GLT1D1: variants seen among roughly 807,000 people sequenced by gnomAD.
GLT1D1 encodes the protein glycosyltransferase 1 domain containing 1.
In GLT1D1, 21 loss-of-function variants were observed where a neutral mutation model predicts 28.7. The observed-to-expected ratio is 0.73, with a 90% CI of 0.52 to 1.05. The LOEUF (loss-of-function observed/expected upper bound fraction) is 1.05, where lower values mean the gene tolerates loss of function less well. Ranked by LOEUF, GLT1D1 falls within the 50% of genes least tolerant of loss-of-function variation. The probability of loss-of-function intolerance (pLI) is 0.00; values close to 1 mark genes in which losing one functional copy is unlikely to be tolerated. For missense variants in GLT1D1, 343 were observed against 330.6 expected (o/e 1.04, Z -0.29); for synonymous variants, 147 against 124.8 (o/e 1.18, Z -1.19).
intron 6 of GLT1D1, among the ~76,000 whole-genome samples, chr12:128,951,311 G>A (rs138906266): frequency 6.6e-6 from 1 of 152,186 alleles, no homozygotes; most frequent in African/African-American, 2.4e-5. Flanking sequence ...GCAGAGGCAG[G>A]AGAATTGCTG....
At chr12:128,915,860 T>A (rs879468498) in intron 4 of GLT1D1, among the ~76,000 whole-genome samples, 7 of 152,222 alleles carry the variant, frequency 4.6e-5, no homozygotes, top group African/African-American at 9.7e-5. Flanking sequence ...ATCCTTTTTT[T>A]AAAATAATTC....
At chr12:128,956,831 G>T (rs1056868528) in intron 6 of GLT1D1, among the ~76,000 whole-genome samples, 1 of 152,110 alleles carries the variant, frequency 6.6e-6, no homozygotes, top group Admixed American at 6.5e-5. Context: ...TTGCAAAATT[G>T]TCCCGCTGTG....
intron 6 of GLT1D1, among the ~76,000 whole-genome samples, chr12:128,953,141 C>T (rs922997458): frequency 6.6e-6 from 1 of 152,108 alleles, no homozygotes; most frequent in Middle Eastern, 3.2e-3. Flanking sequence ...GAAGAACTAT[C>T]TAGTCAAACC....
chr12:128,982,440 G>GC (rs1880407396), intron 7 of GLT1D1, among the ~76,000 whole-genome samples: 1 of 152,162 alleles, frequency 6.6e-6, no homozygotes, highest in African/African-American at 2.4e-5. Flanking sequence ...GACAGGCTTG[G>GC]CTCTGCACCC....
intron 1 of GLT1D1, chr12:128,864,272 T>C: frequency 1.9e-6 from 1 of 525,912 alleles, no homozygotes; most frequent in South Asian, 2.5e-5. Flanking sequence ...GGATGAAGTT[T>C]GCTTAGTCCT....
chr12:128,857,824 G>A (rs762941745), intron 1 of GLT1D1, among the ~76,000 whole-genome samples: 4 of 152,218 alleles, frequency 2.6e-5, no homozygotes, highest in Non-Finnish European at 5.9e-5. Flanking sequence ...GTTGGTCATT[G>A]TAAAGCAACA....
At chr12:128,934,706 G>T (rs1874361235) in intron 4 of GLT1D1, among the ~76,000 whole-genome samples, 1 of 152,212 alleles carries the variant, frequency 6.6e-6, no homozygotes, top group Non-Finnish European at 1.5e-5. Flanking sequence ...CTCACTAAGA[G>T]AATTCCTGGG....
chr12:128,946,375 T>C (rs909537843), intron 5 of GLT1D1, among the ~76,000 whole-genome samples: 1 of 152,120 alleles, frequency 6.6e-6, no homozygotes, highest in African/African-American at 2.4e-5. Flanking sequence ...GAGACAGAGT[T>C]TCGCTCTGTC....
intron 6 of GLT1D1, among the ~76,000 whole-genome samples, chr12:128,952,802 G>A (rs372052390): frequency 0.019 from 541 of 28,476 alleles, 5 homozygotes; most frequent in African/African-American, 0.085. Context: ...TTTTTTTGAC[G>A]TACTCTTGCT....
At chr12:128,965,898 TAAAG>T (rs748658277) in intron 7 of GLT1D1, among the ~76,000 whole-genome samples, 1 of 151,662 alleles carries the variant, frequency 6.6e-6, no homozygotes, top group Non-Finnish European at 1.5e-5. Context: ...GTCTCAAAAA[TAAAG>T]AAAAAGAGAA....
At chr12:128,915,951 C>A (rs1452083065) in intron 4 of GLT1D1, among the ~76,000 whole-genome samples, 2 of 152,158 alleles carry the variant, frequency 1.3e-5, no homozygotes, top group Non-Finnish European at 2.9e-5. Flanking sequence ...ACCCATGTGA[C>A]AAATACCCCA....
intron 6 of GLT1D1, 120 bp downstream of exon 10, chr12:128,947,578 C>A: frequency 1.8e-6 from 2 of 1,099,648 alleles, no homozygotes; most frequent in Non-Finnish European, 2.7e-6. Flanking sequence ...CTAAAAAGGC[C>A]AAGCAGCATA....
At chr12:128,903,694 C>T (rs74386038) in intron 4 of GLT1D1, among the ~76,000 whole-genome samples, 19,107 of 151,472 alleles carry the variant, frequency 0.13, 1,519 homozygotes, top group South Asian at 0.26. Context: ...TGATTAGGAA[C>T]GACTCCTCCT....
At chr12:128,877,689 G>C (rs2135801029) in intron 2 of GLT1D1, among the ~76,000 whole-genome samples, 1 of 152,252 alleles carries the variant, frequency 6.6e-6, no homozygotes, top group Non-Finnish European at 1.5e-5. Context: ...TTTTCTTGTG[G>C]ATATTCTCCT....
intron 6 of GLT1D1, among the ~76,000 whole-genome samples, chr12:128,948,882 G>T (rs907756483): frequency 1.3e-5 from 2 of 152,068 alleles, no homozygotes; most frequent in African/African-American, 2.4e-5. Context: ...AGACCCCAAA[G>T]AAAAAAACAC....
chr12:128,920,179 T>C (rs1270617356), intron 4 of GLT1D1, among the ~76,000 whole-genome samples: 2 of 152,220 alleles, frequency 1.3e-5, no homozygotes, highest in Non-Finnish European at 1.5e-5. Context: ...CCAAATCAGC[T>C]TTTTCAGCTA....
chr12:128,874,122 CTCTCTTTCTTTCTTTCTT>C (rs1214327610), intron 1 of GLT1D1, among the ~76,000 whole-genome samples: 31 of 58,912 alleles, frequency 5.3e-4, no homozygotes, highest in Middle Eastern at 0.012. Context: ...CTCTCTCTCT[CTCTCTTTCTTTCTTTCTT>C]TCTTTCTTTC....
chr12:128,876,205 T>C lies in GLT1D1; in HGVS notation c.217+143T>C, dbSNP rs1435779040. On this transcript the variant is annotated intron_variant, in intron 2 of 7. Transcript: ENST00000281703. ...CATGCAATAATCTCTTTGGTTTGCTTTCTTAATGCACAATTTTCTTAAATG... is the reference window on the plus strand; with the variant it reads ...CATGCAATAATCTCTTTGGTTTGCTCTCTTAATGCACAATTTTCTTAAATG... The C allele has an allele frequency of 1.3e-5, 9 of 696,228 alleles. No individual in the cohort carries two copies. The East Asian group carries it at 1.6e-4, about 12-fold the overall frequency. 43.1% of individuals were successfully genotyped at this position (696,228 alleles called of 1,614,324 possible). A position where few individuals can be genotyped will look rare whatever the true frequency, so the allele number is the denominator to read the frequency against.
chr12:128,869,472 A>T (rs12314547), intron 1 of GLT1D1, among the ~76,000 whole-genome samples: 1 of 152,040 alleles, frequency 6.6e-6, no homozygotes, highest in African/African-American at 2.4e-5. Context: ...GCCCAGCCCC[A>T]TCTATTTTGA....
Sources: gnomAD v4.1 joint callset for allele counts (sites outside exome capture counted in the v4.1 genomes callset) on GRCh38, gnomAD v4.1.1 for gene constraint, MANE v1.5 for transcripts, NCBI Gene and HGNC (gene_info 2026-07-23, HGNC 2026-07-21) for gene names.